The following ILF2 variants were observed in gnomAD, a reference collection of about 807,000 sequenced individuals.
The protein encoded by ILF2 is interleukin enhancer binding factor 2.
A neutral mutation model predicts 55.3 loss-of-function variants in ILF2; 9 were observed. The ratio of observed to expected loss-of-function variants is 0.16; its 90% CI spans 0.10 to 0.28. The LOEUF (loss-of-function observed/expected upper bound fraction) is 0.28. Ranked by LOEUF, ILF2 falls within the 10% of genes least tolerant of loss-of-function variation. The pLI, the probability that ILF2 is intolerant of heterozygous loss-of-function variation, is 1.00. For missense variants in ILF2, 266 were observed against 474.9 expected (o/e 0.56, Z 4.09); for synonymous variants, 151 against 161.8 (o/e 0.93, Z 0.50).
intron 10 of ILF2, 69 bp from the exon 11 acceptor site, chr1:153,663,345 TAG>T: frequency 7.1e-7 from 1 of 1,401,270 alleles, no homozygotes; most frequent in Non-Finnish European, 1.0e-6. Flanking sequence ...CTTTATTTTT[TAG>T]AGACAGGGCC....
In ILF2 at chr1:153,662,999, G is replaced by C; in HGVS notation, c.921+20C>G. The C allele has an allele frequency of 1.3e-6, 2 of 1,589,250 alleles. No individual in the cohort carries two copies. Among genetic ancestry groups the C allele is most frequent in the Non-Finnish European group, 1.7e-6 (2 of 1,157,618 alleles). On this transcript the variant is annotated intron_variant, in intron 12 of 13. Coordinates refer to ENST00000361891, the MANE Select transcript of ILF2 (RefSeq NM_004515.4). ...CAAAAGAGTGGGGCAAAACAACTCA[G>C]TTCATATCTGTCCCAATACCTGCTG...
At position 153,668,497 on chromosome 1, in the gene ILF2, A is replaced by G. The variant is rs1315655272; in HGVS notation, c.169T>C (p.Leu57=). The G allele has an allele frequency of 3.1e-6, 5 of 1,614,092 alleles. No homozygotes were observed. The highest frequency in any genetic ancestry group is 1.7e-5 in the Admixed American group (1 of 59,996). ...GCCAGGTCCTGATTCCTCTTCAGCA[A>G]GGCCTCACTGAAGGAAGTTTCATCA... ...APDETSFSEA[L]LKRNQDLAPN... Residue 57 remains leucine, a synonymous_variant, in exon 4 of 14, where the codon TTG becomes CTG. Coordinates refer to ENST00000361891, the MANE Select transcript of ILF2 (RefSeq NM_004515.4).
chr1:153,670,494 C>A (rs1669416040), intron 1 of ILF2, among the ~76,000 whole-genome samples: 1 of 152,152 alleles, frequency 6.6e-6, no homozygotes, highest in Admixed American at 6.5e-5. Context: ...AATCCTAATA[C>A]TTCGGAGGCT....
chr1:153,664,738 A>G (rs1669265210), intron 8 of ILF2, among the ~76,000 whole-genome samples: 1 of 152,078 alleles, frequency 6.6e-6, no homozygotes, highest in African/African-American at 2.4e-5. Context: ...TTTTTATTTT[A>G]GTAGAGACGG....
chr1:153,665,614 G>T, intron 7 of ILF2, 49 bp downstream of exon 7: 2 of 1,415,740 alleles, frequency 1.4e-6, no homozygotes, highest in Non-Finnish European at 2.0e-6. Context: ...ACAATTACAA[G>T]ACCTGGTTCC....
At chr1:153,670,842 C>T (rs1669451659) in intron 1 of ILF2, 76 bp downstream of exon 1, 1 of 1,577,234 alleles carries the variant, frequency 6.3e-7, no homozygotes, top group Non-Finnish European at 8.7e-7. Flanking sequence ...TTCTGATACT[C>T]CGACTTCTTT....
chr1:153,665,445 C>G, intron 7 of ILF2, 109 bp from the exon 8 acceptor site: 1 of 810,486 alleles, frequency 1.2e-6, no homozygotes, highest in Non-Finnish European at 2.1e-6. Context: ...GCACAAAGTC[C>G]AGAATGAGAA....
At position 153,663,068 on chromosome 1, in the gene ILF2, C is replaced by T; in HGVS notation, c.872G>A (p.Cys291Tyr). Residue 291 changes from cysteine (C) to tyrosine (Y), a missense_variant, in exon 12 of 14, where the codon TGT becomes TAT. Transcript: ENST00000361891. ...GTGTACTCTAAAGTTGCCACTCTCA[C>T]AGGGGTCAGTGATACCCACTGAACC... is the stretch of plus-strand genomic sequence containing the variant. ...LPGSVGITDPCESGNFRVHTV... is the reference protein window; with the variant it reads ...LPGSVGITDPYESGNFRVHTV... 1 of 1,614,188 alleles carries T rather than the reference C, an allele frequency of 6.2e-7. No individual in the cohort carries two copies. Among genetic ancestry groups the T allele is most frequent in the Non-Finnish European group, 8.5e-7 (1 of 1,180,032 alleles).
chr1:153,669,165 C>T (rs1353655633), intron 3 of ILF2, among the ~76,000 whole-genome samples: 1 of 151,434 alleles, frequency 6.6e-6, no homozygotes, highest in African/African-American at 2.4e-5. Flanking sequence ...CTCTGCCTCC[C>T]AGGTTCAGTG....
In ILF2 at chr1:153,662,057, A is replaced by AT. The variant is rs1444642992; in HGVS notation, c.*338_*339insA. The AT allele has an allele frequency of 1.0e-5, 2 of 193,810 alleles. No homozygotes were observed. The highest frequency in any genetic ancestry group is 2.1e-5 in the Non-Finnish European group (2 of 94,074). 12.0% of individuals were successfully genotyped at this position (193,810 alleles called of 1,614,324 possible). Reference sequence around the variant, plus strand: ...GAGCCCTACTAGGAAGTACTTTAATAGTTTTTCTTAGAAAAAAAAATTTCC... The same window carrying AT: ...GAGCCCTACTAGGAAGTACTTTAATATGTTTTTCTTAGAAAAAAAAATTTCC... On this transcript the variant is annotated 3_prime_UTR_variant, in exon 14 of 14. Transcript: ENST00000361891.
At chr1:153,666,360 T>C (rs527540801) in intron 6 of ILF2, among the ~76,000 whole-genome samples, 36 of 152,032 alleles carry the variant, frequency 2.4e-4, no homozygotes, top group African/African-American at 7.7e-4. Context: ...ATTTTTATAT[T>C]TTTGGTAGAG....
At chr1:153,664,324 G>A (rs1425479360) in intron 9 of ILF2, 72 bp downstream of exon 9, 2 of 1,265,490 alleles carry the variant, frequency 1.6e-6, no homozygotes, top group African/African-American at 1.5e-5. Context: ...GTCAGAGGAA[G>A]TATGGGGGTA....
At chr1:153,662,614 C>T in intron 13 of ILF2, 58 bp from the exon 14 acceptor site, 2 of 1,571,432 alleles carry the variant, frequency 1.3e-6, no homozygotes, top group Non-Finnish European at 1.8e-6. Context: ...TCATTACTTA[C>T]ACTGTGGAAA....
intron 10 of ILF2, 66 bp downstream of exon 10, chr1:153,663,956 TTACTACTACTACTACTACTAC>T (rs10598064): frequency 2.4e-6 from 1 of 422,782 alleles, no homozygotes; most frequent in South Asian, 7.0e-5. Context: ...AATTTCAGAG[TTACTACTACTACTACTACTAC>T]TACTACTACT....
intron 6 of ILF2, among the ~76,000 whole-genome samples, 175 bp from the exon 7 acceptor site, chr1:153,665,903 A>C (rs2101714398): frequency 6.6e-6 from 1 of 152,318 alleles, no homozygotes; most frequent in South Asian, 2.1e-4. Context: ...AAAAATTGGA[A>C]GACTCAGGGA....
intron 8 of ILF2, 64 bp downstream of exon 8, chr1:153,665,156 C>T: frequency 6.4e-6 from 6 of 942,724 alleles, no homozygotes; most frequent in East Asian, 2.4e-5. Context: ...GTAAACTAAA[C>T]AGCAACAATA....
intron 8 of ILF2, among the ~76,000 whole-genome samples, chr1:153,664,821 G>C (rs1290648200): frequency 6.6e-6 from 1 of 152,174 alleles, no homozygotes; most frequent in Admixed American, 6.5e-5. Context: ...GCCTCCCAAA[G>C]TGCTGGGATT....
At chr1:153,670,302 T>C (rs765388224) in intron 1 of ILF2, 72 bp from the exon 2 acceptor site, 2 of 1,501,406 alleles carry the variant, frequency 1.3e-6, no homozygotes, top group Non-Finnish European at 1.9e-6. Context: ...GGTTGGCTAC[T>C]TTCATCCCTC....
chr1:153,668,126 T>C (rs377753642), intron 4 of ILF2, 49 bp from the exon 5 acceptor site: 119 of 1,362,596 alleles, frequency 8.7e-5, no homozygotes, highest in Non-Finnish European at 1.2e-4. Flanking sequence ...TTATAAGCAA[T>C]TTCTCAGAAT....
Sources: gnomAD v4.1 joint callset for allele counts (sites outside exome capture counted in the v4.1 genomes callset) on GRCh38, gnomAD v4.1.1 for gene constraint, MANE v1.5 for transcripts, NCBI Gene and HGNC (gene_info 2026-07-23, HGNC 2026-07-21) for gene names.